The following NPTN variants were observed in gnomAD, a reference collection of about 807,000 sequenced individuals.
NPTN encodes SDR-1.
NPTN carries 5 observed loss-of-function variants against 42.7 expected under a neutral mutation model. The ratio of observed to expected loss-of-function variants is 0.12; its 90% CI spans 0.06 to 0.25. The LOEUF is 0.25. Among genes scored for constraint, NPTN ranks in the 10% least tolerant of loss-of-function variants. NPTN has a pLI of 1.00. For synonymous variants in NPTN, 180 were observed against 201.9 expected (o/e 0.89, Z 0.92); for missense variants, 307 against 525.4 (o/e 0.58, Z 4.06).
intron 1 of NPTN, among the ~76,000 whole-genome samples, chr15:73,627,795 A>G (rs981740445): frequency 2.0e-5 from 3 of 152,220 alleles, no homozygotes; most frequent in African/African-American, 7.2e-5. Flanking sequence ...TAAAAAGCAG[A>G]TATATTTTAC....
chr15:73,607,347 T>C (rs1019052171), intron 1 of NPTN, among the ~76,000 whole-genome samples: 29 of 152,242 alleles, frequency 1.9e-4, no homozygotes, highest in African/African-American at 6.3e-4. Context: ...GCGTAACTTC[T>C]GATAACAAGC....
chr15:73,590,541 T>G (rs1201771344), intron 3 of NPTN, among the ~76,000 whole-genome samples: 1 of 150,614 alleles, frequency 6.6e-6, no homozygotes, highest in Non-Finnish European at 1.5e-5. Context: ...GTGGGGAGAC[T>G]GCTTGCACTC....
At chr15:73,624,623 A>G (rs573260025) in intron 1 of NPTN, among the ~76,000 whole-genome samples, 6 of 151,524 alleles carry the variant, frequency 4.0e-5, no homozygotes, top group Admixed American at 6.6e-5. Context: ...AAATAATCCC[A>G]CTACTCTAGG....
At chr15:73,579,493 T>C (rs893097569) in intron 4 of NPTN, among the ~76,000 whole-genome samples, 58 of 152,028 alleles carry the variant, frequency 3.8e-4, no homozygotes, top group African/African-American at 1.4e-3. Context: ...TATCAGCTTT[T>C]GCTTTGGGGA....
chr15:73,578,007 G>GAACA, intron 4 of NPTN, among the ~76,000 whole-genome samples: 1 of 152,324 alleles, frequency 6.6e-6, no homozygotes, highest in Non-Finnish European at 1.5e-5. Flanking sequence ...TCTGTAGGAA[G>GAACA]AACACTCTAG....
At chr15:73,578,658 T>C (rs532508139) in intron 4 of NPTN, among the ~76,000 whole-genome samples, 19 of 152,292 alleles carry the variant, frequency 1.2e-4, no homozygotes, top group Admixed American at 7.2e-4. Flanking sequence ...GGTCAAGGTC[T>C]AGAACATGGT....
chr15:73,605,726 CA>C (rs77251246), intron 1 of NPTN, among the ~76,000 whole-genome samples: 49,646 of 112,706 alleles, frequency 0.44, 9,688 homozygotes, highest in Middle Eastern at 0.53. Flanking sequence ...AAACTCACCT[CA>C]AAAAAAAAAA....
At chr15:73,592,573 A>G (rs892795323) in intron 2 of NPTN, among the ~76,000 whole-genome samples, 7 of 152,218 alleles carry the variant, frequency 4.6e-5, no homozygotes, top group South Asian at 4.1e-4. Context: ...TGGAACAGTA[A>G]TAATTACATA....
Position 73,633,160 on chromosome 15 carries a change from C to G in NPTN, c.56G>C (p.Gly19Ala). 1 of 1,512,608 alleles carries G rather than the reference C, an allele frequency of 6.6e-7. No individual in the cohort carries two copies. The highest frequency in any genetic ancestry group is 1.8e-4 in the Middle Eastern group (1 of 5,700). 93.7% of individuals were successfully genotyped at this position (1,512,608 alleles called of 1,614,324 possible). The change falls in exon 1 of 9, where the codon GGC becomes GCC. Residue 19 changes from glycine (G) to alanine (A), a missense_variant. Coordinates refer to ENST00000345330, the MANE Select transcript of NPTN (RefSeq NM_012428.4). Reference sequence around the variant, plus strand: ...GGCGCCTGGCCCTGGGAGGAGGGAGCCAGAGACCAGCAACAGCGAGAGGGC... The same window carrying G: ...GGCGCCTGGCCCTGGGAGGAGGGAGGCAGAGACCAGCAACAGCGAGAGGGC... ...ALALSLLLVS[G>A]SLLPGPGAAQ...
chr15:73,622,960 C>T (rs1351112592), intron 1 of NPTN, among the ~76,000 whole-genome samples: 4 of 152,254 alleles, frequency 2.6e-5, no homozygotes, highest in African/African-American at 9.6e-5. Context: ...CAAGGTATTA[C>T]AGCACCAGCT....
At chr15:73,599,913 C>T (rs1897007312) in intron 1 of NPTN, among the ~76,000 whole-genome samples, 1 of 152,164 alleles carries the variant, frequency 6.6e-6, no homozygotes, top group African/African-American at 2.4e-5. Flanking sequence ...TGTACTTTTT[C>T]CCTTCTTCTG....
At chr15:73,563,726 C>T (rs904744756) in intron 6 of NPTN, 2 of 187,730 alleles carry the variant, frequency 1.1e-5, no homozygotes, top group Admixed American at 6.5e-5. Context: ...CACATCCTCA[C>T]TTCCCCAAAG....
chr15:73,592,022 T>C lies in NPTN; in HGVS notation c.555A>G (p.Thr185=), dbSNP rs141022751. ...SSHTLTYSYW[T]KNGVELSATR... Reference sequence around the variant, plus strand: ...TGGCACTCAGTTCCACCCCATTCTTTGTCCAGTAGCTGTATGTAAGGGTGT... The same window carrying C: ...TGGCACTCAGTTCCACCCCATTCTTCGTCCAGTAGCTGTATGTAAGGGTGT... The change falls in exon 3 of 9, where the codon ACA becomes ACG. Residue 185 remains threonine (T), a synonymous_variant. Coordinates refer to ENST00000345330, the MANE Select transcript of NPTN (RefSeq NM_012428.4). 8 of 1,614,080 alleles carry C rather than the reference T, an allele frequency of 5.0e-6. No individual in the cohort carries two copies. In the East Asian group the frequency reaches 1.8e-4, roughly 36 times the overall value.
rs143555097 is a variant in NPTN, at chr15:73,623,138, T to A, written c.91+9987A>T. 9.9e-3 allele frequency among the ~76,000 whole-genome samples: 1,505 copies of A among 152,312 alleles called. 25 individuals are homozygous for A. Among genetic ancestry groups the A allele is most frequent in the African/African-American group, 0.034 (1,430 of 41,558 alleles). ...GCCAAAGGTTATACTTTTACTAGGTTTCATATAAAGTCTAACGGGCTCTTT... is the reference window on the plus strand; with the variant it reads ...GCCAAAGGTTATACTTTTACTAGGTATCATATAAAGTCTAACGGGCTCTTT... On this transcript the variant is annotated intron_variant, in intron 1 of 8. Transcript: ENST00000345330.
At chr15:73,629,767 A>G (rs1288057434) in intron 1 of NPTN, among the ~76,000 whole-genome samples, 2 of 151,658 alleles carry the variant, frequency 1.3e-5, no homozygotes, top group East Asian at 3.9e-4. Flanking sequence ...ACCACACTCT[A>G]TTTCTCTTAT....
At chr15:73,578,526 G>C (rs1193191880) in intron 4 of NPTN, among the ~76,000 whole-genome samples, 1 of 152,238 alleles carries the variant, frequency 6.6e-6, no homozygotes, top group African/African-American at 2.4e-5. Context: ...GTGTAACTGT[G>C]AGAATGGAGT....
chr15:73,579,277 CAAA>C (rs112811114), intron 4 of NPTN, among the ~76,000 whole-genome samples: 5 of 115,790 alleles, frequency 4.3e-5, no homozygotes, highest in Non-Finnish European at 7.3e-5. Context: ...GACTCCGTCT[CAAA>C]AAAAAAAAAA....
intron 1 of NPTN, among the ~76,000 whole-genome samples, chr15:73,622,262 C>A (rs1045264658): frequency 1.3e-5 from 2 of 152,116 alleles, no homozygotes; most frequent in African/African-American, 4.8e-5. Context: ...TACAATTCAG[C>A]AAGTGAAAAT....
chr15:73,564,582 A>G (rs1016676587), intron 6 of NPTN, among the ~76,000 whole-genome samples: 1 of 152,210 alleles, frequency 6.6e-6, no homozygotes, highest in East Asian at 1.9e-4. Context: ...AACAGTATAC[A>G]CTATCAAACG....
Sources: allele counts gnomAD v4.1 joint callset (sites outside exome capture counted in the v4.1 genomes callset), GRCh38; gene constraint gnomAD v4.1.1; transcripts MANE v1.5; gene names NCBI Gene and HGNC (gene_info 2026-07-23, HGNC 2026-07-21).